Variants in ETV4 observed in about 807,000 individuals in gnomAD.
ETV4 encodes ETS translocation variant 4.
Under a neutral mutation model 65.9 loss-of-function variants are expected in ETV4, and 42 were observed. That is an observed-to-expected ratio of 0.64 (90% CI 0.50 to 0.82). The LOEUF (loss-of-function observed/expected upper bound fraction) is 0.82. Ranked by LOEUF, ETV4 falls within the 40% of genes least tolerant of loss-of-function variation. ETV4 has a pLI of 0.00. For synonymous variants in ETV4, 238 were observed against 260.0 expected (o/e 0.92, Z 0.81); for missense variants, 583 against 630.3 (o/e 0.92, Z 0.80).
At chr17:43,530,890 C>T (rs1018926924) in intron 8 of ETV4, among the ~76,000 whole-genome samples, 1 of 151,864 alleles carries the variant, frequency 6.6e-6, no homozygotes, top group Non-Finnish European at 1.5e-5. Context: ...CGGGAGGAGG[C>T]GGGAGGGTGG....
intron 4 of ETV4, among the ~76,000 whole-genome samples, chr17:43,541,391 C>A (rs891948810): frequency 1.3e-5 from 2 of 152,186 alleles, no homozygotes; most frequent in African/African-American, 4.8e-5. Flanking sequence ...CAGGGTCTGT[C>A]CCCAGCTCCA....
intron 4 of ETV4, among the ~76,000 whole-genome samples, chr17:43,543,544 G>A (rs902594585): frequency 6.6e-6 from 1 of 152,120 alleles, no homozygotes; most frequent in Admixed American, 6.5e-5. Context: ...AATGAAGCCC[G>A]GTGAGCCAGA....
chr17:43,545,604 A>T lies in ETV4; in HGVS notation c.14T>A (p.Met5Lys). ...TTGCTGGTCCAAGTATCCGGCTTTC[A>T]TCCTCCGCTCCATCCGGCCGCTCCC... Reference protein sequence around the residue: MERRMKAGYLDQQVP... With the variant: MERRKKAGYLDQQVP... The change falls in exon 2 of 13, where the codon ATG (methionine) becomes AAG (lysine). Residue 5 changes from methionine (M) to lysine (K), a missense_variant. By Grantham distance (95) the Met-to-Lys change is moderately conservative (BLOSUM62 -1). Coordinates refer to ENST00000319349, the MANE Select transcript of ETV4 (RefSeq NM_001079675.5). 1 of 1,550,698 alleles carries T rather than the reference A, an allele frequency of 6.4e-7. No individual in the cohort carries two copies. The highest frequency in any genetic ancestry group is 8.7e-7 in the Non-Finnish European group (1 of 1,146,956).
At chr17:43,545,242 G>C (rs752263996) in intron 3 of ETV4, 32 bp downstream of exon 3, 4 of 1,223,572 alleles carry the variant, frequency 3.3e-6, no homozygotes, top group African/African-American at 1.7e-5. Context: ...TGTGGCGGAG[G>C]AGGGTCGCGG....
At chr17:43,536,336 A>G in intron 5 of ETV4, 90 bp downstream of exon 5, 11 of 1,171,860 alleles carry the variant, frequency 9.4e-6, no homozygotes, top group Non-Finnish European at 1.4e-5. Context: ...TTAGGAGAGA[A>G]CAAGCTGCTC....
chr17:43,545,312 A>T lies in ETV4; in HGVS notation c.116T>A (p.Leu39His), dbSNP rs774347424. The stretch of plus-strand genomic sequence containing the variant: ...GGGCGGCAGGGAGCCCGGGTCCATG[A>T]GCTTCCCCAGCGGGCCGATCAGCGC... ...REALIGPLGKLMDPGSLPPLD... is the reference protein window; with the variant it reads ...REALIGPLGKHMDPGSLPPLD... The change falls in exon 3 of 13, where the codon CTC (leucine) becomes CAC (histidine). Residue 39 changes from leucine (L) to histidine (H), a missense_variant. Leu to His is a moderately conservative substitution (Grantham distance 99). Transcript: ENST00000319349. 1 of 1,609,582 alleles carries T rather than the reference A, an allele frequency of 6.2e-7. No individual in the cohort carries two copies. The highest frequency in any genetic ancestry group is 1.1e-5 in the South Asian group (1 of 90,564).
chr17:43,529,072 C>T (rs947981104), intron 12 of ETV4, 63 bp downstream of exon 12: 2 of 1,477,132 alleles, frequency 1.4e-6, no homozygotes, highest in African/African-American at 2.8e-5. Flanking sequence ...CTGACCCTCT[C>T]CCCAGTCAGC....
Position 43,528,725 on chromosome 17 carries a change from C to T in ETV4, c.1249G>A (p.Val417Met), listed in dbSNP as rs1380855852. 13 of 1,614,012 alleles carry T rather than the reference C, an allele frequency of 8.1e-6. No individual in the cohort carries two copies. Among genetic ancestry groups the T allele is most frequent in the East Asian group, 4.5e-5 (2 of 44,886 alleles). ...TCGGGCTCACACACAAACTTGTACACGTAACGCTCACCAGCCACCTATGGG... is the reference window on the plus strand; with the variant it reads ...TCGGGCTCACACACAAACTTGTACATGTAACGCTCACCAGCCACCTATGGG... ...IMQKVAGERYVYKFVCEPEAL... is the reference protein window; with the variant it reads ...IMQKVAGERYMYKFVCEPEAL... The change falls in exon 13 of 13, where the codon GTG becomes ATG. Residue 417 changes from valine to methionine, a missense_variant. Coordinates refer to ENST00000319349, the MANE Select transcript of ETV4 (RefSeq NM_001079675.5).
At chr17:43,543,296 T>TCTCTCTCTCA (rs888736657) in intron 4 of ETV4, among the ~76,000 whole-genome samples, 61 of 143,438 alleles carry the variant, frequency 4.3e-4, no homozygotes, top group East Asian at 2.1e-4. Flanking sequence ...TCTCTCTCTC[T>TCTCTCTCTCA]CACACACACA....
At position 43,545,645 on chromosome 17, in the gene ETV4, G is replaced by A. The variant is rs1269814094; in HGVS notation, c.-28C>T. 2.6e-6 allele frequency: 4 copies of A among 1,549,172 alleles called. No individual in the cohort carries two copies. The African/African-American group carries it at 4.1e-5, about 16-fold the overall frequency. The stretch of plus-strand genomic sequence containing the variant: ...GGCCGCTCCCTCCGGCCGCACGGCC[G>A]GGGCCCCAAGCGGGGGCCGAGACCT... On this transcript the variant is annotated 5_prime_UTR_variant, in exon 2 of 13. Coordinates refer to ENST00000319349, the MANE Select transcript of ETV4 (RefSeq NM_001079675.5).
chr17:43,533,788 C>T, intron 6 of ETV4, 71 bp downstream of exon 6: 5 of 1,566,332 alleles, frequency 3.2e-6, no homozygotes, highest in Non-Finnish European at 4.3e-6. Context: ...TGCCTCTGCT[C>T]ATGGGTGCCC....
Position 43,529,207 on chromosome 17 carries a change from G to C in ETV4, c.1158C>G (p.Asn386Lys). ...GCTTGTCGTAATTCATGGCTGGCCG[G>C]TTCTTCTGGATGCCCCAGAGCCTGG... is the stretch of plus-strand genomic sequence containing the variant. Reference protein sequence around the residue: ...EVARLWGIQKNRPAMNYDKLS... With the variant: ...EVARLWGIQKKRPAMNYDKLS... Residue 386 changes from asparagine to lysine, a missense_variant, in exon 12 of 13, where the codon AAC (asparagine) becomes AAG (lysine). Coordinates refer to ENST00000319349, the MANE Select transcript of ETV4 (RefSeq NM_001079675.5). 1 of 1,614,022 alleles carries C rather than the reference G, an allele frequency of 6.2e-7. No homozygotes were observed. Among genetic ancestry groups the C allele is most frequent in the Non-Finnish European group, 8.5e-7 (1 of 1,180,018 alleles).
chr17:43,533,430 G>A (rs1971069496), intron 6 of ETV4, 82 bp from the exon 7 acceptor site: 3 of 1,358,452 alleles, frequency 2.2e-6, no homozygotes, highest in Non-Finnish European at 2.0e-6. Context: ...GGAAAGCGAG[G>A]TCACAGGGAT....
intron 4 of ETV4, 152 bp from the exon 5 acceptor site, chr17:43,536,631 C>T: frequency 4.7e-6 from 3 of 637,532 alleles, no homozygotes. Flanking sequence ...TGTCTTGGGC[C>T]ACACATAAAA....
rs60214474 is a variant in ETV4, at chr17:43,543,276, A to ACTCTCTCTCT, written c.202+1689_202+1698dup. ...AGCAGCATGTAACTAACACACACAC[A>ACTCTCTCTCT]CTCTCTCTCTCTCTCTCTCTCACAC... On this transcript the variant is annotated intron_variant, in intron 4 of 12. Transcript: ENST00000319349. Among the ~76,000 whole-genome samples the ACTCTCTCTCT allele has an allele frequency of 9.4e-3, 1,295 of 138,234 alleles. 10 individuals carry two copies. The highest frequency in any genetic ancestry group is 0.023 in the African/African-American group (836 of 36,694). The allele number at this position is 138,234 out of a possible 152,430, so 90.7% of individuals were successfully genotyped here.
Position 43,528,434 on chromosome 17 carries a change from C to T in ETV4, c.*85G>A. On this transcript the variant is annotated 3_prime_UTR_variant, in exon 13 of 13. Transcript: ENST00000319349. ...CTGCCCCAGAGACATCTGTGGGTTT[C>T]AGATGAAGGTTTCCCCAACACCAGA... 1 of 942,218 alleles carries T rather than the reference C, an allele frequency of 1.1e-6. No individual in the cohort carries two copies. The highest frequency in any genetic ancestry group is 1.6e-6 in the Non-Finnish European group (1 of 632,122). 58.4% of individuals were successfully genotyped at this position (942,218 alleles called of 1,614,324 possible). A position where few individuals can be genotyped will look rare whatever the true frequency, so the allele number is the denominator to read the frequency against.
chr17:43,530,764 A>T (rs1970885006), intron 8 of ETV4, among the ~76,000 whole-genome samples: 1 of 151,234 alleles, frequency 6.6e-6, no homozygotes, highest in African/African-American at 2.4e-5. Flanking sequence ...GAACCTTCCC[A>T]CTCCACATCG....
chr17:43,529,112 G>T (rs762608023), intron 12 of ETV4, 23 bp downstream of exon 12: 1 of 1,610,152 alleles, frequency 6.2e-7, no homozygotes, highest in South Asian at 1.1e-5. Context: ...CCACCACCTT[G>T]TCCCTAGACC....
At chr17:43,540,277 A>G (rs1209774560) in intron 4 of ETV4, among the ~76,000 whole-genome samples, 1 of 152,032 alleles carries the variant, frequency 6.6e-6, no homozygotes, top group Non-Finnish European at 1.5e-5. Flanking sequence ...ATGTGGCGAA[A>G]CCCCATCTCT....
Sources: gnomAD v4.1 joint callset for allele counts (sites outside exome capture counted in the v4.1 genomes callset) on GRCh38, gnomAD v4.1.1 for gene constraint, MANE v1.5 for transcripts, NCBI Gene and HGNC (gene_info 2026-07-23, HGNC 2026-07-21) for gene names.